The following UCK2 variants were observed in gnomAD, a reference collection of about 807,000 sequenced individuals.
UCK2 encodes cytidine monophosphokinase 2.
A neutral mutation model predicts 30.8 loss-of-function variants in UCK2; 6 were observed. That is an observed-to-expected ratio of 0.19 (90% CI 0.11 to 0.38). The LOEUF (loss-of-function observed/expected upper bound fraction) is 0.38. Among genes scored for constraint, UCK2 ranks in the 10% least tolerant of loss-of-function variants. The pLI is 1.00. For missense variants in UCK2, 210 were observed against 339.8 expected, an observed-to-expected ratio of 0.62 and a Z score of 3.00; for synonymous variants, 125 against 133.6, an observed-to-expected ratio of 0.94 and a Z score of 0.45.
In UCK2 at chr1:165,861,647, AAACAAAAAAAAAC is replaced by A. The variant is rs1363437044; in HGVS notation, c.100-28552_100-28540del. ...CGTCTCAAAAAAAAAAAAAAAAAAA[AAACAAAAAAAAAC>A]AACAGTAAAACTCAATAGCTCTGGT... On this transcript the variant is annotated intron_variant, in intron 1 of 6. Coordinates refer to ENST00000367879, the MANE Select transcript of UCK2 (RefSeq NM_012474.5). Among the ~76,000 whole-genome samples the A allele has an allele frequency of 6.1e-5, 4 of 65,858 alleles. 1 individual carries two copies. Among genetic ancestry groups the A allele is most frequent in the East Asian group, 8.1e-4 (2 of 2,468 alleles). 43.2% of individuals were successfully genotyped at this position (65,858 alleles called of 152,430 possible).
chr1:165,888,613 T>G (rs1655681855), intron 1 of UCK2, among the ~76,000 whole-genome samples: 1 of 151,778 alleles, frequency 6.6e-6, no homozygotes, highest in African/African-American at 2.4e-5. Flanking sequence ...TCCTTTCTAT[T>G]TATTCGGTTG....
chr1:165,888,642 C>CTTTTTT (rs60874109), intron 1 of UCK2, among the ~76,000 whole-genome samples: 249 of 71,024 alleles, frequency 3.5e-3, no homozygotes, highest in East Asian at 5.4e-3. Flanking sequence ...CTTTCTTCTT[C>CTTTTTT]TTTTTTTTTT....
At chr1:165,832,305 T>G (rs1654069979) in intron 1 of UCK2, among the ~76,000 whole-genome samples, 1 of 152,240 alleles carries the variant, frequency 6.6e-6, no homozygotes, top group African/African-American at 2.4e-5. Context: ...GTTGACTGCT[T>G]CTTCCCGTAG....
At chr1:165,828,560 G>A (rs182168675) in intron 1 of UCK2, among the ~76,000 whole-genome samples, 18 of 152,328 alleles carry the variant, frequency 1.2e-4, no homozygotes, top group African/African-American at 4.1e-4. Context: ...GATAATAGTA[G>A]GGGCTTCTGT....
chr1:165,831,451 A>G (rs566911932), intron 1 of UCK2, among the ~76,000 whole-genome samples: 16 of 152,302 alleles, frequency 1.1e-4, no homozygotes, highest in African/African-American at 3.6e-4. Flanking sequence ...TAAAAGGTGG[A>G]AAAAAACCCA....
At chr1:165,904,716 G>A (rs1291908190) in intron 5 of UCK2, among the ~76,000 whole-genome samples, 1 of 152,132 alleles carries the variant, frequency 6.6e-6, no homozygotes, top group African/African-American at 2.4e-5. Flanking sequence ...TTGGGTTTGG[G>A]GCTGACACCG....
intron 1 of UCK2, among the ~76,000 whole-genome samples, chr1:165,884,850 A>G (rs1260321834): frequency 1.3e-5 from 2 of 152,202 alleles, no homozygotes; most frequent in African/African-American, 4.8e-5. Flanking sequence ...TGAGCTGTTT[A>G]CTGCCACTGG....
intron 1 of UCK2, among the ~76,000 whole-genome samples, chr1:165,835,756 C>T (rs1386077438): frequency 6.6e-6 from 1 of 152,100 alleles, no homozygotes; most frequent in Non-Finnish European, 1.5e-5. Context: ...AGTTCCACTT[C>T]CCCTGCAAAA....
intron 1 of UCK2, among the ~76,000 whole-genome samples, chr1:165,857,736 A>C (rs1654785391): frequency 6.6e-6 from 1 of 152,130 alleles, no homozygotes. Flanking sequence ...CATTTGAATG[A>C]TGTCTCATTA....
At chr1:165,867,971 T>C (rs1036494122) in intron 1 of UCK2, among the ~76,000 whole-genome samples, 1 of 152,230 alleles carries the variant, frequency 6.6e-6, no homozygotes, top group Non-Finnish European at 1.5e-5. Context: ...ATGTATTTCT[T>C]AAATAATAAC....
At chr1:165,844,887 G>A (rs537787996) in intron 1 of UCK2, among the ~76,000 whole-genome samples, 7 of 152,270 alleles carry the variant, frequency 4.6e-5, no homozygotes, top group Non-Finnish European at 5.9e-5. Flanking sequence ...CACCCTTTGC[G>A]TCTTTTTAAT....
chr1:165,838,011 G>A (rs1654237940), intron 1 of UCK2, among the ~76,000 whole-genome samples: 1 of 152,228 alleles, frequency 6.6e-6, no homozygotes, highest in Non-Finnish European at 1.5e-5. Flanking sequence ...GCTGGTAAGA[G>A]TGTTGACGTT....
At chr1:165,830,870 T>C (rs1654030813) in intron 1 of UCK2, among the ~76,000 whole-genome samples, 1 of 150,954 alleles carries the variant, frequency 6.6e-6, no homozygotes, top group Non-Finnish European at 1.5e-5. Context: ...CCCATCTGTA[T>C]AAAATGAAAA....
chr1:165,844,468 A>G (rs537697863), intron 1 of UCK2, among the ~76,000 whole-genome samples: 2 of 152,362 alleles, frequency 1.3e-5, no homozygotes, highest in African/African-American at 4.8e-5. Context: ...TTCCTGACAC[A>G]GAGCACCCTC....
chr1:165,873,459 T>C (rs1655253105), intron 1 of UCK2, among the ~76,000 whole-genome samples: 1 of 152,250 alleles, frequency 6.6e-6, no homozygotes, highest in Non-Finnish European at 1.5e-5. Context: ...TTGTTTTACC[T>C]ACTTGTACTT....
At chr1:165,832,392 T>C (rs891916153) in intron 1 of UCK2, among the ~76,000 whole-genome samples, 3 of 152,210 alleles carry the variant, frequency 2.0e-5, no homozygotes, top group Non-Finnish European at 4.4e-5. Flanking sequence ...AATAAGGATT[T>C]AAGAAACCAT....
intron 1 of UCK2, among the ~76,000 whole-genome samples, chr1:165,880,357 C>T (rs1329451311): frequency 6.6e-6 from 1 of 152,138 alleles, no homozygotes; most frequent in African/African-American, 2.4e-5. Flanking sequence ...ACAAGGGGCC[C>T]AGTTTGTTGT....
intron 1 of UCK2, among the ~76,000 whole-genome samples, chr1:165,828,676 G>T (rs1571258940): frequency 6.6e-6 from 1 of 152,150 alleles, no homozygotes; most frequent in South Asian, 2.1e-4. Context: ...CACGGAAGGG[G>T]GTCATCGTAT....
Position 165,890,359 on chromosome 1 carries a change from C to T in UCK2, c.255C>T (p.His85=). The T allele has an allele frequency of 1.2e-6, 2 of 1,613,672 alleles. No individual in the cohort carries two copies. The highest frequency in any genetic ancestry group is 1.7e-6 in the Non-Finnish European group (2 of 1,179,942). The change falls in exon 2 of 7, where the codon CAC becomes CAT. Residue 85 remains histidine, a synonymous_variant. Coordinates refer to ENST00000367879, the MANE Select transcript of UCK2 (RefSeq NM_012474.5). ...KALKGQFNFD[H]PDAFDNELIL... ...TGAAGGGCCAGTTCAACTTTGACCA[C>T]CCGGGTGAGTCGGGCATTGAAGGGG...
Sources: gnomAD v4.1 joint callset for allele counts (sites outside exome capture counted in the v4.1 genomes callset) on GRCh38, gnomAD v4.1.1 for gene constraint, MANE v1.5 for transcripts, NCBI Gene and HGNC (gene_info 2026-07-23, HGNC 2026-07-21) for gene names.